Variants in PPME1 observed in about 807,000 individuals in gnomAD.
PPME1 encodes the protein protein phosphatase methylesterase 1, also known as testicular secretory protein Li 39.
A neutral mutation model predicts 56.9 loss-of-function variants in PPME1; 17 were observed. That is an observed-to-expected ratio of 0.30 (90% CI 0.20 to 0.45). The LOEUF is 0.45. Ranked by LOEUF, PPME1 falls within the 20% of genes least tolerant of loss-of-function variation. The pLI is 1.00. For missense variants in PPME1, 357 were observed against 483.2 expected, an observed-to-expected ratio of 0.74 and a Z score of 2.45; for synonymous variants, 122 against 156.2, an observed-to-expected ratio of 0.78 and a Z score of 1.63.
intron 1 of PPME1, among the ~76,000 whole-genome samples, chr11:74,179,748 A>G (rs907015630): frequency 6.6e-6 from 1 of 152,210 alleles, no homozygotes; most frequent in Non-Finnish European, 1.5e-5. Context: ...GCTTAATGGC[A>G]TGCCTTGGAG....
At chr11:74,239,958 A>ATTTTTT (rs760748505) in intron 9 of PPME1, among the ~76,000 whole-genome samples, 5 of 89,920 alleles carry the variant, frequency 5.6e-5, no homozygotes, top group African/African-American at 8.5e-5. Flanking sequence ...TTTTCTTTCC[A>ATTTTTT]TTTTTTTTTT....
chr11:74,251,616 T>A, intron 12 of PPME1, 32 bp from the exon 13 acceptor site: 1 of 1,608,644 alleles, frequency 6.2e-7, no homozygotes, highest in Non-Finnish European at 8.5e-7. Context: ...CACTAACCTT[T>A]ATATGGCCTG....
intron 9 of PPME1, among the ~76,000 whole-genome samples, chr11:74,245,207 T>A (rs1180715810): frequency 6.6e-6 from 1 of 151,978 alleles, no homozygotes; most frequent in East Asian, 1.9e-4. Context: ...TTTTTTTTAT[T>A]TCCTAAAAAA....
At chr11:74,207,909 G>A (rs190777131) in intron 3 of PPME1, among the ~76,000 whole-genome samples, 1 of 152,312 alleles carries the variant, frequency 6.6e-6, no homozygotes, top group East Asian at 1.9e-4. Flanking sequence ...TTGAACCTGA[G>A]TGTCTGCTGA....
At chr11:74,210,743 G>T (rs1026554557) in intron 3 of PPME1, among the ~76,000 whole-genome samples, 8 of 152,134 alleles carry the variant, frequency 5.3e-5, no homozygotes, top group Non-Finnish European at 2.9e-5. Flanking sequence ...CCAGATGCTG[G>T]TGCCGTACTT....
intron 1 of PPME1, among the ~76,000 whole-genome samples, chr11:74,187,052 A>G (rs1260287863): frequency 6.6e-6 from 1 of 152,180 alleles, no homozygotes; most frequent in Non-Finnish European, 1.5e-5. Flanking sequence ...AAGTCAATTG[A>G]CCATAAATGT....
At chr11:74,242,771 C>CGGGAGGCT (rs754784925) in intron 9 of PPME1, among the ~76,000 whole-genome samples, 44 of 148,494 alleles carry the variant, frequency 3.0e-4, no homozygotes, top group Non-Finnish European at 5.5e-4. Context: ...CCCAGCTACT[C>CGGGAGGCT]GGGAGGCTGA....
intron 9 of PPME1, among the ~76,000 whole-genome samples, chr11:74,242,965 T>G (rs1188031738): frequency 2.6e-5 from 4 of 151,860 alleles, no homozygotes; most frequent in African/African-American, 4.8e-5. Flanking sequence ...AAGAATGGCT[T>G]TGGGACTTGC....
At chr11:74,188,916 A>G (rs755589865) in intron 1 of PPME1, among the ~76,000 whole-genome samples, 3 of 152,246 alleles carry the variant, frequency 2.0e-5, no homozygotes, top group Non-Finnish European at 2.9e-5. Flanking sequence ...AGTGTTTAAC[A>G]TGCTTATAAA....
At chr11:74,244,344 T>G (rs1859453027) in intron 9 of PPME1, among the ~76,000 whole-genome samples, 1 of 152,214 alleles carries the variant, frequency 6.6e-6, no homozygotes, top group South Asian at 2.1e-4. Flanking sequence ...AGGAACTGCC[T>G]TGATGTTTTT....
intron 1 of PPME1, among the ~76,000 whole-genome samples, chr11:74,194,370 C>T (rs1053378518): frequency 7.9e-5 from 12 of 152,064 alleles, no homozygotes; most frequent in Non-Finnish European, 1.3e-4. Context: ...CTGTGTGCAT[C>T]GCAAAACTTC....
chr11:74,252,463 T>C (rs1013635463), intron 13 of PPME1: 5 of 456,090 alleles, frequency 1.1e-5, no homozygotes, highest in African/African-American at 8.0e-5. Context: ...AAGCTGGGAA[T>C]GGAATGGGTG....
intron 1 of PPME1, among the ~76,000 whole-genome samples, chr11:74,179,309 CAT>C (rs1327594928): frequency 6.6e-6 from 1 of 152,150 alleles, no homozygotes; most frequent in Non-Finnish European, 1.5e-5. Context: ...GCCTGGGCAA[CAT>C]AGGAAAAACT....
intron 8 of PPME1, chr11:74,238,115 A>T (rs1209680631): frequency 6.6e-6 from 1 of 151,886 alleles, no homozygotes; most frequent in African/African-American, 2.4e-5. Context: ...AATTGCCTTG[A>T]ACCTCCTAAT....
At chr11:74,244,072 C>T (rs139911744) in intron 9 of PPME1, among the ~76,000 whole-genome samples, 1 of 152,222 alleles carries the variant, frequency 6.6e-6, no homozygotes, top group Admixed American at 6.5e-5. Flanking sequence ...GCATAATGTC[C>T]TCAAAGTTCA....
chr11:74,210,720 C>T (rs542104201), intron 3 of PPME1, among the ~76,000 whole-genome samples: 1 of 152,318 alleles, frequency 6.6e-6, no homozygotes, highest in East Asian at 1.9e-4. Context: ...GCCTGATGCA[C>T]TCAGCAGCAG....
intron 1 of PPME1, among the ~76,000 whole-genome samples, chr11:74,190,570 A>T (rs1857808631): frequency 6.6e-6 from 1 of 152,244 alleles, no homozygotes; most frequent in South Asian, 2.1e-4. Flanking sequence ...TCAATTACCC[A>T]GCCTCAAGTA....
At chr11:74,250,753 A>G in intron 11 of PPME1, 1 of 569,166 alleles carries the variant, frequency 1.8e-6, no homozygotes, top group East Asian at 2.8e-5. Context: ...GGACAGAAGG[A>G]AAAAGTGAAG....
chr11:74,251,168 T>C, intron 12 of PPME1, 150 bp downstream of exon 12: 2 of 1,468,378 alleles, frequency 1.4e-6, no homozygotes, highest in Non-Finnish European at 1.8e-6. Context: ...CTCCAACTTC[T>C]CCCTGGCAGC....
Sources: allele counts gnomAD v4.1 joint callset (sites outside exome capture counted in the v4.1 genomes callset), GRCh38; gene constraint gnomAD v4.1.1; transcripts MANE v1.5; gene names NCBI Gene and HGNC (gene_info 2026-07-23, HGNC 2026-07-21).